The following USP42 variants were observed in gnomAD, a reference collection of about 807,000 sequenced individuals.
USP42 encodes the protein ubiquitin carboxyl-terminal hydrolase 42.
USP42 carries 23 observed loss-of-function variants against 113.0 expected under a neutral mutation model. The observed-to-expected ratio is 0.20, with a 90% confidence interval of 0.15 to 0.29. The LOEUF (loss-of-function observed/expected upper bound fraction) is 0.29. Ranked by LOEUF, USP42 falls within the 10% of genes least tolerant of loss-of-function variation. The pLI is 1.00. For synonymous variants in USP42, 933 were observed against 699.0 expected (o/e 1.33, Z -5.28); for missense variants, 2,174 against 1,779.8 (o/e 1.22, Z -3.99).
At chr7:6,146,004 A>G in intron 10 of USP42, 144 bp from the exon 11 acceptor site, 1 of 687,510 alleles carries the variant, frequency 1.5e-6, no homozygotes, top group South Asian at 1.8e-5. Flanking sequence ...CAGGAGGTGG[A>G]GATTGCAAGA....
chr7:6,136,808 C>CT (rs80342183), intron 4 of USP42, among the ~76,000 whole-genome samples: 2,854 of 141,956 alleles, frequency 0.02, 35 homozygotes, highest in Middle Eastern at 0.061. Flanking sequence ...TTCGGTTCTT[C>CT]TTTTTTTTTT....
chr7:6,112,168 G>A (rs1481954570), intron 2 of USP42, among the ~76,000 whole-genome samples: 4 of 152,084 alleles, frequency 2.6e-5, no homozygotes, highest in African/African-American at 7.2e-5. Flanking sequence ...AGAGCAGATA[G>A]GCTAGGCATG....
intron 3 of USP42, among the ~76,000 whole-genome samples, chr7:6,117,769 GT>G (rs991809267): frequency 6.6e-6 from 1 of 152,162 alleles, no homozygotes; most frequent in African/African-American, 2.4e-5. Context: ...GTATTTTGTT[GT>G]GGTTTTAATT....
chr7:6,129,656 T>C (rs1780737285), intron 3 of USP42, among the ~76,000 whole-genome samples: 1 of 151,208 alleles, frequency 6.6e-6, no homozygotes, highest in African/African-American at 2.4e-5. Flanking sequence ...AGGTCAGGGA[T>C]TCAAGACCAG....
chr7:6,102,025 A>G (rs564140765), upstream of USP42, among the ~76,000 whole-genome samples: 2 of 149,664 alleles, frequency 1.3e-5, no homozygotes, highest in East Asian at 4.0e-4. Context: ...GTGAGCCGAG[A>G]CTGTTCTAGG....
rs1562830007 is a variant in USP42, at chr7:6,135,827, CATCT to C, written c.443-9_443-6del. ...GTATTTTGCTAATTTGGAGGATTAT[CATCT>C]ATCTTTCAGGTCATGCAGAAGGCTT... On this transcript the variant is annotated splice_polypyrimidine_tract_variant and intron_variant, in intron 3 of 17. Transcript: ENST00000306177. 6.4e-7 allele frequency: 1 copy of C among 1,560,336 alleles called. No individual in the cohort carries two copies. The highest frequency in any genetic ancestry group is 8.7e-7 in the Non-Finnish European group (1 of 1,148,060).
At chr7:6,143,139 T>C (rs1027535704) in intron 8 of USP42, 125 bp downstream of exon 8, 3 of 898,054 alleles carry the variant, frequency 3.3e-6, no homozygotes, top group Non-Finnish European at 5.3e-6. Context: ...GGGAAGACAC[T>C]GCGTCCCTGT....
chr7:6,150,945 T>G (rs28496021), intron 14 of USP42, among the ~76,000 whole-genome samples: 2 of 152,310 alleles, frequency 1.3e-5, no homozygotes, highest in African/African-American at 4.8e-5. Context: ...CGTTTGGGGA[T>G]GTGGTTGTCA....
chr7:6,090,735 C>A, the USP42 span, among the ~76,000 whole-genome samples: 1 of 145,048 alleles, frequency 6.9e-6, no homozygotes, highest in Non-Finnish European at 1.5e-5. Flanking sequence ...AAAAACAAAA[C>A]TAACTATATA....
intron 2 of USP42, chr7:6,112,001 A>G (rs1217208559): frequency 6.6e-6 from 1 of 152,356 alleles, no homozygotes; most frequent in African/African-American, 2.4e-5. Context: ...ACCAGTAGTT[A>G]TTCTAGTTTC....
chr7:6,123,844 A>T (rs1393953554), intron 3 of USP42, among the ~76,000 whole-genome samples: 1 of 150,688 alleles, frequency 6.6e-6, no homozygotes, highest in Non-Finnish European at 1.5e-5. Flanking sequence ...AAAAAAAAAA[A>T]AAAAAAAGCC....
intron 6 of USP42, 93 bp downstream of exon 6, chr7:6,140,288 G>A (rs1781366370): frequency 8.5e-7 from 1 of 1,177,320 alleles, no homozygotes; most frequent in Admixed American, 2.1e-5. Context: ...AGGAAGGAAG[G>A]AAAAGTGCTT....
the USP42 span, among the ~76,000 whole-genome samples, chr7:6,089,564 AC>A: frequency 7.2e-6 from 1 of 139,814 alleles, no homozygotes; most frequent in Non-Finnish European, 1.5e-5. Context: ...ATGGAGTCTC[AC>A]CCTGTCTCCC....
At position 6,154,358 on chromosome 7, in the gene USP42, C is replaced by T. The variant is rs780504681; in HGVS notation, c.2804C>T (p.Pro935Leu). 2.5e-5 allele frequency: 39 copies of T among 1,574,198 alleles called. No individual in the cohort carries two copies. In the Admixed American group the frequency reaches 3.7e-4, roughly 15 times the overall value. Residue 935 changes from proline to leucine, a missense_variant, in exon 15 of 18, where the codon CCT (proline) becomes CTT (leucine). Transcript: ENST00000306177. ...EDAAAPKAPG[P>L]SPAKEKIGSL... ...GCCGCGGCGCCGAAAGCCCCAGGCCCTTCCCCAGCGAAGGAGAAAATCGGC... is the reference window on the plus strand; with the variant it reads ...GCCGCGGCGCCGAAAGCCCCAGGCCTTTCCCCAGCGAAGGAGAAAATCGGC...
chr7:6,109,861 C>T lies in USP42; in HGVS notation c.-9-1264C>T, dbSNP rs374956320. Among the ~76,000 whole-genome samples the T allele has an allele frequency of 4.0e-3, 611 of 151,368 alleles. 2 individuals carry two copies. Among genetic ancestry groups the T allele is most frequent in the African/African-American group, 0.014 (578 of 41,224 alleles). The stretch of plus-strand genomic sequence containing the variant: ...GATTACAGGTACGTGCCACCACGCC[C>T]GGCTAATTTTTGTATTTTTAGTAGA... On this transcript the variant is annotated intron_variant, in intron 1 of 17. Transcript: ENST00000306177.
intron 2 of USP42, among the ~76,000 whole-genome samples, chr7:6,114,996 A>G (rs993012583): frequency 1.3e-4 from 20 of 151,808 alleles, no homozygotes; most frequent in African/African-American, 4.4e-4. Flanking sequence ...GGCCCTATAT[A>G]TATATTTTTT....
In USP42 at chr7:6,160,677, CTT is replaced by C. The variant is rs1331889542; in HGVS notation, c.*167_*168del. The C allele has an allele frequency of 6.6e-6, 1 of 152,090 alleles. No individual in the cohort carries two copies. Among genetic ancestry groups the C allele is most frequent in the African/African-American group, 2.4e-5 (1 of 41,276 alleles). The allele number at this position is 152,090 out of a possible 1,614,324, so 9.4% of individuals were successfully genotyped here. On this transcript the variant is annotated 3_prime_UTR_variant, in exon 18 of 18. Coordinates refer to ENST00000306177, the MANE Select transcript of USP42 (RefSeq NM_032172.3). The stretch of plus-strand genomic sequence containing the variant: ...ACTGTACAGATTTTACCATGGAGAA[CTT>C]TTTTTTTAGTTTTTACCTTTTCTTA...
chr7:6,124,494 G>GACCTCGTGATCTGCCT (rs998298436), intron 3 of USP42, among the ~76,000 whole-genome samples: 3 of 151,146 alleles, frequency 2.0e-5, no homozygotes, highest in Non-Finnish European at 4.4e-5. Context: ...TCAAACTCCT[G>GACCTCGTGATCTGCCT]ACCTCGTGAT....
chr7:6,123,388 G>A (rs1247957306), intron 3 of USP42, among the ~76,000 whole-genome samples: 1 of 152,118 alleles, frequency 6.6e-6, no homozygotes, highest in Non-Finnish European at 1.5e-5. Flanking sequence ...ATTGGGCTGG[G>A]TGCGGTGGCT....
Sources: allele counts gnomAD v4.1 joint callset (sites outside exome capture counted in the v4.1 genomes callset), GRCh38; gene constraint gnomAD v4.1.1; transcripts MANE v1.5; gene names NCBI Gene and HGNC (gene_info 2026-07-23, HGNC 2026-07-21).